Variants in DAPP1 observed in about 807,000 individuals in gnomAD.
The protein encoded by DAPP1 is dual adapter for phosphotyrosine and 3-phosphotyrosine and 3-phosphoinositide.
In DAPP1, 20 loss-of-function variants were observed where a neutral mutation model predicts 41.5. The observed-to-expected ratio is 0.48, with a 90% CI of 0.34 to 0.70. DAPP1 has a LOEUF of 0.70. Ranked by LOEUF, DAPP1 falls within the 30% of genes least tolerant of loss-of-function variation. DAPP1 has a pLI of 0.01. For synonymous variants in DAPP1, 113 were observed against 116.2 expected (o/e 0.97, Z 0.18); for missense variants, 233 against 333.4 (o/e 0.70, Z 2.35).
chr4:99,830,641 C>T (rs1016728105), intron 1 of DAPP1, among the ~76,000 whole-genome samples: 8 of 152,158 alleles, frequency 5.3e-5, no homozygotes, highest in Non-Finnish European at 1.2e-4. Flanking sequence ...TTCTCATACA[C>T]GCCTTGCATT....
At chr4:99,835,977 C>G (rs904430814) in intron 2 of DAPP1, among the ~76,000 whole-genome samples, 4 of 152,134 alleles carry the variant, frequency 2.6e-5, no homozygotes, top group Admixed American at 6.5e-5. Flanking sequence ...TGATGGAAAC[C>G]TTTCATGGGA....
intron 1 of DAPP1, among the ~76,000 whole-genome samples, chr4:99,818,015 A>C (rs2110130023): frequency 6.6e-6 from 1 of 152,314 alleles, no homozygotes; most frequent in South Asian, 2.1e-4. Context: ...GTCCGAAACC[A>C]AAGAAAAACC....
intron 1 of DAPP1, among the ~76,000 whole-genome samples, chr4:99,832,647 CT>C (rs1322568609): frequency 4.6e-5 from 7 of 152,188 alleles, no homozygotes; most frequent in Non-Finnish European, 1.0e-4. Context: ...TGTGATTCTT[CT>C]TGCATTATAC....
Position 99,863,866 on chromosome 4 carries a change from T to A in DAPP1, c.686+11T>A. ...GGTAAACTGTTTTTGGTAAGTTGTT[T>A]TATAAAGAAAACGTTTTTTAATGTC... On this transcript the variant is annotated intron_variant, in intron 7 of 8. Coordinates refer to ENST00000512369, the MANE Select transcript of DAPP1 (RefSeq NM_014395.3). 6.5e-7 allele frequency: 1 copy of A among 1,549,662 alleles called. No homozygotes were observed. Among genetic ancestry groups the A allele is most frequent in the Non-Finnish European group, 8.8e-7 (1 of 1,139,554 alleles).
At chr4:99,865,615 CAA>C (rs1367842065) in intron 7 of DAPP1, 1 of 151,902 alleles carries the variant, frequency 6.6e-6, no homozygotes, top group African/African-American at 2.4e-5. Context: ...GATCATAGCA[CAA>C]GTTTTTGAGA....
chr4:99,856,558 G>A (rs1344520405), intron 4 of DAPP1, among the ~76,000 whole-genome samples: 1 of 152,164 alleles, frequency 6.6e-6, no homozygotes. Flanking sequence ...TTTTCAAAGA[G>A]CAGCACCTCC....
chr4:99,869,563 T>G lies in DAPP1; in HGVS notation c.*1378T>G, dbSNP rs1348718750. ...TTGTATATTTCAACAACATTTTAAA[T>G]GTATTTTGTTATGTTTGTATTATAT... On this transcript the variant is annotated 3_prime_UTR_variant, in exon 9 of 9. Transcript: ENST00000512369. 1 of 152,224 alleles carries G rather than the reference T, an allele frequency of 6.6e-6. No homozygotes were observed. Among genetic ancestry groups the G allele is most frequent in the Non-Finnish European group, 1.5e-5 (1 of 68,038 alleles). The allele number at this position is 152,224 out of a possible 1,614,324, so 9.4% of individuals were successfully genotyped here.
rs998060361 is a variant in DAPP1, at chr4:99,817,362, G to A, written c.101+348G>A. 4.6e-5 allele frequency among the ~76,000 whole-genome samples: 7 copies of A among 152,276 alleles called. No homozygotes were observed. In the South Asian group the frequency reaches 6.2e-4, roughly 14 times the overall value. On this transcript the variant is annotated intron_variant, in intron 1 of 8. Transcript: ENST00000512369. Reference sequence around the variant, plus strand: ...GTTGCTCTGGTTTATGAATAAATGCGCTGTTCAAGAGTTTCTAGCACTGAC... The same window carrying A: ...GTTGCTCTGGTTTATGAATAAATGCACTGTTCAAGAGTTTCTAGCACTGAC...
At chr4:99,836,883 A>T (rs1387735005) in intron 2 of DAPP1, among the ~76,000 whole-genome samples, 2 of 152,132 alleles carry the variant, frequency 1.3e-5, no homozygotes, top group African/African-American at 2.4e-5. Flanking sequence ...TGTGGCTCTG[A>T]TCTGGTATTT....
chr4:99,870,330 CAT>C (rs3839158), downstream of DAPP1, among the ~76,000 whole-genome samples: 1,507 of 148,704 alleles, frequency 0.01, 22 homozygotes, highest in African/African-American at 0.035. Context: ...AAACAATAAA[CAT>C]ATATATATAT....
rs2110148992 is a variant in DAPP1 at position 99,842,340 on chromosome 4, A to AT, written c.358+1919dup. ...TATTACAATATAACTCAGGAACCTA[A>AT]TATTTTTATCCTCTCCACTGCCTCT... On this transcript the variant is annotated intron_variant, in intron 3 of 8. Coordinates refer to ENST00000512369, the MANE Select transcript of DAPP1 (RefSeq NM_014395.3). Among the ~76,000 whole-genome samples the AT allele has an allele frequency of 2.0e-5, 3 of 152,340 alleles. No homozygotes were observed. The South Asian group carries it at 6.2e-4, about 32-fold the overall frequency.
chr4:99,863,919 G>T, intron 7 of DAPP1, 64 bp downstream of exon 7: 1 of 1,098,722 alleles, frequency 9.1e-7, no homozygotes, highest in East Asian at 2.6e-5. Flanking sequence ...TTTTGGCTAA[G>T]GAATAGAAAG....
downstream of DAPP1, among the ~76,000 whole-genome samples, chr4:99,870,566 G>T (rs1724608319): frequency 6.6e-6 from 1 of 152,178 alleles, no homozygotes; most frequent in Admixed American, 6.5e-5. Flanking sequence ...GCAAAGAAAT[G>T]ATTCTAACTC....
chr4:99,828,239 A>G (rs572147751), intron 1 of DAPP1, among the ~76,000 whole-genome samples: 1 of 152,382 alleles, frequency 6.6e-6, no homozygotes, highest in African/African-American at 2.4e-5. Flanking sequence ...TTTAAACATC[A>G]GGTACAACCC....
chr4:99,866,434 CAGA>C, intron 8 of DAPP1: 1 of 697,538 alleles, frequency 1.4e-6, no homozygotes, highest in East Asian at 2.6e-5. Context: ...CATTTAGAAC[CAGA>C]AGGTCTGACA....
At chr4:99,842,591 CTGGGAGTAATAGG>C (rs1723529288) in intron 3 of DAPP1, among the ~76,000 whole-genome samples, 1 of 152,226 alleles carries the variant, frequency 6.6e-6, no homozygotes, top group Non-Finnish European at 1.5e-5. Context: ...TCTTGCCCCT[CTGGGAGTAATAGG>C]CCTTGGGAAA....
chr4:99,851,097 A>G (rs1723840990), intron 3 of DAPP1, among the ~76,000 whole-genome samples: 1 of 152,176 alleles, frequency 6.6e-6, no homozygotes, highest in Non-Finnish European at 1.5e-5. Flanking sequence ...CCATGCATCT[A>G]CAATGTGAGC....
chr4:99,861,464 C>T (rs1724233803), intron 4 of DAPP1, 114 bp from the exon 5 acceptor site: 1 of 1,118,804 alleles, frequency 8.9e-7, no homozygotes, highest in East Asian at 2.6e-5. Flanking sequence ...AAATGATAGA[C>T]AGTAATTTAA....
intron 4 of DAPP1, among the ~76,000 whole-genome samples, chr4:99,857,069 G>A (rs930073934): frequency 1.3e-5 from 2 of 152,180 alleles, no homozygotes; most frequent in African/African-American, 2.4e-5. Flanking sequence ...CAAGAGACCC[G>A]TGGAGATTAT....
Sources: allele counts gnomAD v4.1 joint callset (sites outside exome capture counted in the v4.1 genomes callset), GRCh38; gene constraint gnomAD v4.1.1; transcripts MANE v1.5; gene names NCBI Gene and HGNC (gene_info 2026-07-23, HGNC 2026-07-21).